Variants in CSMD1 observed in about 807,000 individuals in gnomAD.
CSMD1 encodes CUB and Sushi multiple domains 1.
In CSMD1, 213 loss-of-function variants were observed where a neutral mutation model predicts 417.5. That is an observed-to-expected ratio of 0.51 (90% CI 0.46 to 0.57). The LOEUF (loss-of-function observed/expected upper bound fraction) is 0.57. Ranked by LOEUF, CSMD1 falls within the 20% of genes least tolerant of loss-of-function variation. The probability of loss-of-function intolerance (pLI) is 0.00; values close to 1 mark genes in which losing one functional copy is unlikely to be tolerated. For synonymous variants in CSMD1, 2,862 were observed against 1,736.8 expected, an observed-to-expected ratio of 1.65 and a Z score of -16.11; for missense variants, 6,923 against 4,529.7, an observed-to-expected ratio of 1.53 and a Z score of -15.17.
rs1342982807 is a variant in CSMD1 at position 3,396,334 on chromosome 8, G to C, written c.2453C>G (p.Pro818Arg). ...GCCGATCAGTGGGGACGAACTGGCT[G>C]GCCCATCTCTGACCTCCAAGGTGTC... is the stretch of plus-strand genomic sequence containing the variant. ...NYDTLEVRDGPASSSPLIGEY... is the reference protein window; with the variant it reads ...NYDTLEVRDGRASSSPLIGEY... The change falls in exon 17 of 70, where the codon CCA (proline) becomes CGA (arginine). Residue 818 changes from proline to arginine, a missense_variant. Coordinates refer to ENST00000635120, the MANE Select transcript of CSMD1 (RefSeq NM_033225.6). 6.2e-7 allele frequency: 1 copy of C among 1,607,428 alleles called. No homozygotes were observed. The highest frequency in any genetic ancestry group is 2.2e-5 in the East Asian group (1 of 44,718).
At chr8:4,650,812 G>A (rs1164108429) in intron 1 of CSMD1, among the ~76,000 whole-genome samples, 1 of 152,146 alleles carries the variant, frequency 6.6e-6, no homozygotes, top group Non-Finnish European at 1.5e-5. Context: ...TTTTACCCAA[G>A]TTTTGCTTCC....
intron 3 of CSMD1, among the ~76,000 whole-genome samples, chr8:4,273,443 C>T (rs576714053): frequency 6.6e-6 from 1 of 152,184 alleles, no homozygotes; most frequent in Non-Finnish European, 1.5e-5. Context: ...TTATCTTCAA[C>T]TCTGGGGTTT....
In CSMD1 at chr8:4,240,886, G is replaced by A. The variant is rs551873794; in HGVS notation, c.415+179067C>T. ...AAATATTGAGTTATGTATTCATTCA[G>A]GCGCATGTTACTGTAAAGAAAATAG... On this transcript the variant is annotated intron_variant, in intron 3 of 69. Coordinates refer to ENST00000635120, the MANE Select transcript of CSMD1 (RefSeq NM_033225.6). Among the ~76,000 whole-genome samples, 3 of 152,214 alleles carry A rather than the reference G, an allele frequency of 2.0e-5. No individual in the cohort carries two copies. In the South Asian group the frequency reaches 6.2e-4, roughly 32 times the overall value.
intron 5 of CSMD1, among the ~76,000 whole-genome samples, chr8:3,943,308 T>G (rs961799790): frequency 6.6e-6 from 1 of 151,348 alleles, no homozygotes; most frequent in Non-Finnish European, 1.5e-5. Flanking sequence ...CCTTGACAAC[T>G]GCAGAACTAG....
chr8:4,397,715 G>C (rs981328834), intron 3 of CSMD1, among the ~76,000 whole-genome samples: 3 of 151,876 alleles, frequency 2.0e-5, no homozygotes, highest in East Asian at 1.9e-4. Flanking sequence ...AAATTAACTA[G>C]ATTTGAATCT....
At chr8:4,096,230 A>G (rs950449412) in intron 3 of CSMD1, among the ~76,000 whole-genome samples, 17 of 152,192 alleles carry the variant, frequency 1.1e-4, no homozygotes, top group African/African-American at 3.4e-4. Flanking sequence ...TAATAATAAT[A>G]AAAAGCAACC....
rs146422081 is a variant in CSMD1 at position 4,227,820 on chromosome 8, G to A, written c.415+192133C>T. Among the ~76,000 whole-genome samples, 906 of 146,846 alleles carry A rather than the reference G, an allele frequency of 6.2e-3. 34 individuals carry two copies. Among genetic ancestry groups the A allele is most frequent in the Admixed American group, 0.054 (796 of 14,718 alleles). On this transcript the variant is annotated intron_variant, in intron 3 of 69. Coordinates refer to ENST00000635120, the MANE Select transcript of CSMD1 (RefSeq NM_033225.6). The stretch of plus-strand genomic sequence containing the variant: ...TCCTACAGTCAACCCCACACCAGGA[G>A]ACATACTCTCCATCCTGCATTAAAC...
intron 1 of CSMD1, among the ~76,000 whole-genome samples, chr8:4,761,911 CAATCTATCTAT>C (rs1812126376): frequency 7.2e-5 from 5 of 69,324 alleles, no homozygotes; most frequent in Non-Finnish European, 3.2e-5. Flanking sequence ...ATCTATCTAT[CAATCTATCTAT>C]CTATCTATCT....
intron 5 of CSMD1, among the ~76,000 whole-genome samples, chr8:3,839,279 T>C (rs1001974007): frequency 1.6e-5 from 2 of 123,442 alleles, no homozygotes; most frequent in Non-Finnish European, 3.1e-5. Context: ...TATTAATATA[T>C]AATATTAATT....
intron 8 of CSMD1, among the ~76,000 whole-genome samples, chr8:3,611,133 A>C (rs1270259998): frequency 6.6e-6 from 1 of 151,046 alleles, no homozygotes; most frequent in Non-Finnish European, 1.5e-5. Flanking sequence ...CCTAATGCTA[A>C]ATGACGAGTT....
intron 1 of CSMD1, among the ~76,000 whole-genome samples, chr8:4,751,223 A>G (rs1167002654): frequency 6.6e-6 from 1 of 152,166 alleles, no homozygotes. Flanking sequence ...CATCTCTACT[A>G]AAAATACACA....
chr8:4,490,128 C>T (rs1801627843), intron 2 of CSMD1, among the ~76,000 whole-genome samples: 2 of 150,818 alleles, frequency 1.3e-5, no homozygotes, highest in African/African-American at 4.9e-5. Context: ...GCAACCTCTG[C>T]CTCCTGAGTT....
At position 4,940,288 on chromosome 8, in the gene CSMD1, G is replaced by A. The variant is rs374132498; in HGVS notation, c.85+54044C>T. ...AACAGTCCATTGAGTGGAAAATGCA[G>A]AGTAAAATGATATGGCTTCAATCTG... On this transcript the variant is annotated intron_variant, in intron 1 of 69. Coordinates refer to ENST00000635120, the MANE Select transcript of CSMD1 (RefSeq NM_033225.6). 2.6e-5 allele frequency among the ~76,000 whole-genome samples: 4 copies of A among 152,324 alleles called. 1 individual carries two copies. Among genetic ancestry groups the A allele is most frequent in the African/African-American group, 9.6e-5 (4 of 41,570 alleles).
intron 1 of CSMD1, chr8:4,788,185 G>C: frequency 6.3e-7 from 1 of 1,595,488 alleles, no homozygotes. Flanking sequence ...GGAAATTTTG[G>C]CATTCCATGT....
chr8:4,745,335 G>C (rs1163936506), intron 1 of CSMD1, among the ~76,000 whole-genome samples: 2 of 152,114 alleles, frequency 1.3e-5, no homozygotes, highest in Non-Finnish European at 2.9e-5. Flanking sequence ...CTAAGAGAAA[G>C]AAATGCTATA....
At chr8:4,685,544 G>A (rs575461915) in intron 1 of CSMD1, among the ~76,000 whole-genome samples, 1 of 152,116 alleles carries the variant, frequency 6.6e-6, no homozygotes, top group South Asian at 2.1e-4. Flanking sequence ...CCACTGCACT[G>A]CAGCCTGGGT....
intron 7 of CSMD1, among the ~76,000 whole-genome samples, chr8:3,654,698 C>A (rs1798017479): frequency 6.6e-6 from 1 of 152,158 alleles, no homozygotes; most frequent in East Asian, 1.9e-4. Context: ...CGGGTCAGAG[C>A]CAGCACAGGG....
At chr8:4,919,347 G>T (rs371143462) in intron 1 of CSMD1, among the ~76,000 whole-genome samples, 2 of 152,082 alleles carry the variant, frequency 1.3e-5, no homozygotes, top group East Asian at 1.9e-4. Context: ...ATGAAACTTT[G>T]CTGGTACTTA....
intron 3 of CSMD1, among the ~76,000 whole-genome samples, chr8:4,075,302 A>C (rs2554689): frequency 2.0e-5 from 3 of 151,936 alleles, no homozygotes; most frequent in African/African-American, 7.3e-5. Flanking sequence ...TGTTTATGTA[A>C]ATAAAAACAT....
Sources: allele counts gnomAD v4.1 joint callset (sites outside exome capture counted in the v4.1 genomes callset), GRCh38; gene constraint gnomAD v4.1.1; transcripts MANE v1.5; gene names NCBI Gene and HGNC (gene_info 2026-07-23, HGNC 2026-07-21).